The following ANKMY2 variants were observed in gnomAD, a reference collection of about 807,000 sequenced individuals.
ANKMY2 encodes the protein ankyrin repeat and MYND domain-containing protein 2.
A neutral mutation model predicts 50.4 loss-of-function variants in ANKMY2; 36 were observed. That is an observed-to-expected ratio of 0.71 (90% CI 0.55 to 0.94). The LOEUF is 0.94. Among genes scored for constraint, ANKMY2 ranks in the 40% least tolerant of loss-of-function variants. The probability of loss-of-function intolerance (pLI) is 0.00; values close to 1 mark genes in which losing one functional copy is unlikely to be tolerated. For synonymous variants in ANKMY2, 187 were observed against 178.8 expected (o/e 1.05, Z -0.36); for missense variants, 565 against 524.0 (o/e 1.08, Z -0.76).
At chr7:16,636,088 G>A (rs1369682106) in intron 2 of ANKMY2, among the ~76,000 whole-genome samples, 1 of 151,930 alleles carries the variant, frequency 6.6e-6, no homozygotes, top group Admixed American at 6.6e-5. Flanking sequence ...GGAGGATCAT[G>A]AGGTCAGGGT....
At chr7:16,636,591 C>A in intron 1 of ANKMY2, 136 bp from the exon 2 acceptor site, 1 of 521,934 alleles carries the variant, frequency 1.9e-6, no homozygotes, top group South Asian at 3.8e-5. Flanking sequence ...AGAAATGAAA[C>A]ATCCAATCAC....
At chr7:16,640,560 C>T (rs550218937) in intron 1 of ANKMY2, among the ~76,000 whole-genome samples, 29 of 152,252 alleles carry the variant, frequency 1.9e-4, no homozygotes, top group African/African-American at 6.5e-4. Flanking sequence ...CTTCCTCCAT[C>T]GCCCAAGCTG....
At chr7:16,644,147 C>T (rs374292956) in intron 1 of ANKMY2, among the ~76,000 whole-genome samples, 11 of 152,298 alleles carry the variant, frequency 7.2e-5, no homozygotes, top group East Asian at 5.8e-4. Context: ...TGGCACACAG[C>T]TAGAACTTGC....
intron 4 of ANKMY2, among the ~76,000 whole-genome samples, chr7:16,618,383 G>C (rs1781387962): frequency 6.6e-6 from 1 of 151,928 alleles, no homozygotes; most frequent in Admixed American, 6.6e-5. Context: ...AAGAGCTAAA[G>C]AACAAATCCA....
intron 1 of ANKMY2, among the ~76,000 whole-genome samples, chr7:16,640,500 T>C (rs937666830): frequency 3.2e-4 from 49 of 152,156 alleles, no homozygotes; most frequent in African/African-American, 1.2e-3. Context: ...CACGTATAGA[T>C]TTCAATCGTT....
At chr7:16,601,046 G>A in intron 9 of ANKMY2, 101 bp from the exon 10 acceptor site, 1 of 859,556 alleles carries the variant, frequency 1.2e-6, no homozygotes, top group South Asian at 2.5e-5. Context: ...ACTACATGAG[G>A]TATATTAGTA....
At chr7:16,639,997 T>C (rs913479437) in intron 1 of ANKMY2, among the ~76,000 whole-genome samples, 4 of 143,066 alleles carry the variant, frequency 2.8e-5, no homozygotes, top group African/African-American at 1.0e-4. Context: ...CCATCTCTAC[T>C]AAAAAAAAAA....
chr7:16,621,721 C>A (rs929568993), intron 4 of ANKMY2, among the ~76,000 whole-genome samples: 1 of 152,016 alleles, frequency 6.6e-6, no homozygotes, highest in African/African-American at 2.4e-5. Context: ...TGCCTGTAAT[C>A]CTAAGGACTT....
At chr7:16,635,336 T>C (rs1213828631) in intron 2 of ANKMY2, among the ~76,000 whole-genome samples, 2 of 152,146 alleles carry the variant, frequency 1.3e-5, no homozygotes, top group Non-Finnish European at 2.9e-5. Flanking sequence ...ATTAATGCTT[T>C]TTGCAGGAGT....
At chr7:16,625,555 T>C (rs1443447412) in intron 3 of ANKMY2, among the ~76,000 whole-genome samples, 1 of 152,240 alleles carries the variant, frequency 6.6e-6, no homozygotes, top group African/African-American at 2.4e-5. Context: ...CATTATTCTA[T>C]TCACATTCTT....
At position 16,625,068 on chromosome 7, in the gene ANKMY2, G is replaced by A. The variant is rs749795292; in HGVS notation, c.285C>T (p.Ile95=). Residue 95 remains isoleucine, a synonymous_variant, in exon 4 of 10, where the codon ATC becomes ATT. Transcript: ENST00000306999. ...CACCAGCTTCTAACATTACCCATGT[G>A]ATGTCTTTATTACCTAGAGTTTTAA... ...MFAALSGNKD[I]TWVMLEAGAE... is the part of the protein sequence containing the mutation. 5 of 1,613,348 alleles carry A rather than the reference G, an allele frequency of 3.1e-6. No individual in the cohort carries two copies. The highest frequency in any genetic ancestry group is 4.2e-6 in the Non-Finnish European group (5 of 1,179,404).
intron 1 of ANKMY2, among the ~76,000 whole-genome samples, chr7:16,638,607 G>A (rs1781701640): frequency 6.6e-6 from 1 of 152,188 alleles, no homozygotes; most frequent in Non-Finnish European, 1.5e-5. Flanking sequence ...TTACATAGGT[G>A]TGACCTATTA....
At chr7:16,629,514 C>T (rs555529713) in intron 2 of ANKMY2, among the ~76,000 whole-genome samples, 7 of 151,730 alleles carry the variant, frequency 4.6e-5, no homozygotes, top group African/African-American at 1.7e-4. Context: ...CCAGCCTGGG[C>T]GACAGAGTGA....
At chr7:16,644,713 C>A (rs1311562933) in intron 1 of ANKMY2, 2 of 471,178 alleles carry the variant, frequency 4.2e-6, no homozygotes, top group Non-Finnish European at 8.8e-6. Flanking sequence ...CGGCAGGGAA[C>A]TCCTCTGGGA....
chr7:16,634,214 G>C (rs1332995044), intron 2 of ANKMY2, among the ~76,000 whole-genome samples: 4 of 152,094 alleles, frequency 2.6e-5, no homozygotes, highest in Non-Finnish European at 5.9e-5. Flanking sequence ...GGTACTTCTA[G>C]CCAAGATATA....
chr7:16,643,106 C>A (rs572966301), intron 1 of ANKMY2, among the ~76,000 whole-genome samples: 2 of 152,276 alleles, frequency 1.3e-5, no homozygotes, highest in South Asian at 4.1e-4. Context: ...CTTTCATCCC[C>A]ATAACAACGT....
In ANKMY2 at chr7:16,632,057, C is replaced by T. The variant is rs144375631; in HGVS notation, c.132+4334G>A. On this transcript the variant is annotated intron_variant, in intron 2 of 9. Transcript: ENST00000306999. ...CAGTTATGTTTTTCTTTCTCCCTCC[C>T]TCCCTCCTTCTCTTTCTCCTTTCTT... 4.1e-3 allele frequency among the ~76,000 whole-genome samples: 618 copies of T among 150,898 alleles called. 1 individual carries two copies. Among genetic ancestry groups the T allele is most frequent in the African/African-American group, 0.014 (588 of 41,066 alleles).
chr7:16,608,683 A>T (rs1781198142), intron 7 of ANKMY2, among the ~76,000 whole-genome samples: 1 of 152,164 alleles, frequency 6.6e-6, no homozygotes, highest in African/African-American at 2.4e-5. Flanking sequence ...ATGGGTATAG[A>T]TAGGGTAAAC....
At chr7:16,628,470 C>G (rs888889502) in intron 2 of ANKMY2, among the ~76,000 whole-genome samples, 1 of 124,062 alleles carries the variant, frequency 8.1e-6, no homozygotes, top group Non-Finnish European at 1.6e-5. Context: ...TGAAGACTCC[C>G]TTAGCTGGGA....
Sources: allele counts gnomAD v4.1 joint callset (sites outside exome capture counted in the v4.1 genomes callset), GRCh38; gene constraint gnomAD v4.1.1; transcripts MANE v1.5; gene names NCBI Gene and HGNC (gene_info 2026-07-23, HGNC 2026-07-21).